Variants in CEP350 observed in about 807,000 individuals in gnomAD.
The protein encoded by CEP350 is centrosome-associated protein 350.
In CEP350, 126 loss-of-function variants were observed where a neutral mutation model predicts 331.8. The observed-to-expected ratio is 0.38, with a 90% CI of 0.33 to 0.44. The LOEUF is 0.44. Among genes scored for constraint, CEP350 ranks in the 20% least tolerant of loss-of-function variants. The probability of loss-of-function intolerance (pLI) is 1.00; values close to 1 mark genes in which losing one functional copy is unlikely to be tolerated. For missense variants in CEP350, 3,406 were observed against 3,634.6 expected (o/e 0.94, Z 1.62); for synonymous variants, 1,200 against 1,259.5 (o/e 0.95, Z 1.00).
rs1654823635 is a variant in CEP350, at chr1:180,014,100, A to G, written c.1647A>G (p.Val549=). 2.5e-6 allele frequency: 4 copies of G among 1,611,320 alleles called. No individual in the cohort carries two copies. The highest frequency in any genetic ancestry group is 3.4e-6 in the Non-Finnish European group (4 of 1,178,594). The part of the protein sequence containing the change: ...STAHTAKQDT[V]ELQNQKSSAP... ...CTCACACTGCAAAGCAAGATACTGT[A>G]GAGTTACAGAACCAGAAGTCATCAG... Residue 549 remains valine (V), a synonymous_variant, in exon 10 of 38, where the codon GTA becomes GTG. Transcript: ENST00000367607.
intron 14 of CEP350, among the ~76,000 whole-genome samples, chr1:180,029,119 AAGT>A (rs1655852205): frequency 6.6e-6 from 1 of 152,156 alleles, no homozygotes; most frequent in Non-Finnish European, 1.5e-5. Context: ...GTGTAGTTGA[AAGT>A]AGTTGGTAGA....
intron 8 of CEP350, among the ~76,000 whole-genome samples, chr1:180,008,851 A>T (rs1654428679): frequency 6.6e-6 from 1 of 152,172 alleles, no homozygotes; most frequent in African/African-American, 2.4e-5. Flanking sequence ...TTGATCAGGC[A>T]TCTGTTTTTC....
Position 180,020,234 on chromosome 1 carries a change from TA to T in CEP350, c.2463del (p.Lys821AsnfsTer8). 1 of 1,613,976 alleles carries T rather than the reference TA, an allele frequency of 6.2e-7. No individual in the cohort carries two copies. The highest frequency in any genetic ancestry group is 8.5e-7 in the Non-Finnish European group (1 of 1,179,898). ...AACCTAGTGCCAGCCAATATAAGAG[TA>T]AACTGGATCGTATTGAAGCCTTGAA... ...LKPSASQYKS[K>X]LDRIEALKAT... On this transcript the variant is annotated frameshift_variant, in exon 12 of 38. Transcript: ENST00000367607. LOFTEE classifies it high-confidence loss of function.
At chr1:180,097,282 A>G (rs1660536775) in intron 36 of CEP350, among the ~76,000 whole-genome samples, 1 of 152,240 alleles carries the variant, frequency 6.6e-6, no homozygotes, top group Admixed American at 6.5e-5. Flanking sequence ...TAGTTGTGAC[A>G]AAGACCACAT....
At chr1:180,085,045 C>A (rs1393710810) in intron 31 of CEP350, among the ~76,000 whole-genome samples, 1 of 147,012 alleles carries the variant, frequency 6.8e-6, no homozygotes, top group Non-Finnish European at 1.5e-5. Context: ...CCTCTTTCCT[C>A]TTCCTTCCCT....
At chr1:180,066,134 A>G (rs1204581518) in intron 27 of CEP350, among the ~76,000 whole-genome samples, 1 of 152,196 alleles carries the variant, frequency 6.6e-6, no homozygotes, top group Non-Finnish European at 1.5e-5. Flanking sequence ...AGCTACTCCA[A>G]CTTAGATATA....
At position 180,031,380 on chromosome 1, in the gene CEP350, G is replaced by T. The variant is rs1336951509; in HGVS notation, c.3611G>T (p.Arg1204Leu). The T allele has an allele frequency of 6.2e-7, 1 of 1,607,848 alleles. No individual in the cohort carries two copies. Among genetic ancestry groups the T allele is most frequent in the African/African-American group, 1.3e-5 (1 of 74,650 alleles). The change falls in exon 15 of 38, where the codon CGT (arginine) becomes CTT (leucine). Residue 1204 changes from arginine to leucine, a missense_variant. Around this residue, in one of 5 missense-constraint regions of CEP350, gnomAD observed 1,857 missense variants for 1,909.2 expected, o/e 0.97. Transcript: ENST00000367607. ...CTTCTTGATGAGGAAAAAGCAGAAC[G>T]TGGCTCCCATCAAGGAAAGAAATCT... ...NSLLDEEKAE[R>L]GSHQGKKSGT...
Position 180,033,883 on chromosome 1 carries a change from A to T in CEP350, c.3747A>T (p.Arg1249Ser), listed in dbSNP as rs1290661448. ...HSVSVSSDKG[R>S]SQKTPTSPLS... ...CTAGTGTCTCATCAGATAAGGGAAG[A>T]TCTCAGAAAACTCCAACTTCTCCCC... Residue 1249 changes from arginine to serine, a missense_variant, in exon 16 of 38, where the codon AGA becomes AGT. Transcript: ENST00000367607. The T allele has an allele frequency of 1.2e-6, 2 of 1,613,880 alleles. No individual in the cohort carries two copies. Among genetic ancestry groups the T allele is most frequent in the Admixed American group, 1.7e-5 (1 of 60,006 alleles).
At chr1:179,994,470 T>C (rs900153409) in intron 5 of CEP350, among the ~76,000 whole-genome samples, 1 of 150,872 alleles carries the variant, frequency 6.6e-6, no homozygotes, top group Non-Finnish European at 1.5e-5. Flanking sequence ...TTTTTTTTTT[T>C]TGAGACAGTG....
Position 180,094,498 on chromosome 1 carries a change from C to A in CEP350, c.8393C>A (p.Pro2798His). The change falls in exon 34 of 38, where the codon CCC becomes CAC. Residue 2798 changes from proline to histidine, a missense_variant. Transcript: ENST00000367607. Reference protein sequence around the residue: ...LLGDDQKKVTPQDLSQNVEEQ... With the variant: ...LLGDDQKKVTHQDLSQNVEEQ... ...GGTGATGACCAAAAGAAAGTAACAC[C>A]CCAAGACCTATCCCAAAATGTTGAG... 1.2e-6 allele frequency: 2 copies of A among 1,613,798 alleles called. No individual in the cohort carries two copies. The highest frequency in any genetic ancestry group is 1.7e-5 in the Admixed American group (1 of 59,994).
At position 180,112,787 on chromosome 1, in the gene CEP350, C is replaced by T. The variant is rs1022489438; in HGVS notation, c.*1626C>T. On this transcript the variant is annotated 3_prime_UTR_variant, in exon 38 of 38. Coordinates refer to ENST00000367607, the MANE Select transcript of CEP350 (RefSeq NM_014810.5). ...GTTCGTTTATTTCTGCATCTTCCCTCCAAACTTGCCTTTGCATCTTAAATA... is the reference window on the plus strand; with the variant it reads ...GTTCGTTTATTTCTGCATCTTCCCTTCAAACTTGCCTTTGCATCTTAAATA... 1 of 152,640 alleles carries T rather than the reference C, an allele frequency of 6.6e-6. No individual in the cohort carries two copies. Among genetic ancestry groups the T allele is most frequent in the Non-Finnish European group, 1.5e-5 (1 of 68,032 alleles). The allele number at this position is 152,640 out of a possible 1,614,324, so 9.5% of individuals were successfully genotyped here.
chr1:180,017,126 CT>C (rs1558102820), intron 11 of CEP350, among the ~76,000 whole-genome samples: 2 of 151,972 alleles, frequency 1.3e-5, no homozygotes, highest in South Asian at 4.1e-4. Flanking sequence ...GTTGTTATTC[CT>C]GTTTTACAGA....
intron 26 of CEP350, among the ~76,000 whole-genome samples, chr1:180,063,500 T>A (rs1658368956): frequency 6.6e-6 from 1 of 151,954 alleles, no homozygotes; most frequent in Non-Finnish European, 1.5e-5. Context: ...GTGGACCTAT[T>A]CTAAGGTACT....
intron 1 of CEP350, among the ~76,000 whole-genome samples, chr1:179,965,238 T>C (rs2148558054): frequency 6.6e-6 from 1 of 152,346 alleles, no homozygotes; most frequent in South Asian, 2.1e-4. Flanking sequence ...TTTCTAATTT[T>C]ATTCTACTGT....
intron 25 of CEP350, 84 bp from the exon 26 acceptor site, chr1:180,062,136 A>G: frequency 8.2e-7 from 1 of 1,223,796 alleles, no homozygotes. Flanking sequence ...TATTTTTAAT[A>G]TATGTGCTGA....
At chr1:180,084,344 T>C (rs1475103236) in intron 31 of CEP350, 166 bp downstream of exon 31, 3 of 519,928 alleles carry the variant, frequency 5.8e-6, no homozygotes, top group Non-Finnish European at 9.6e-6. Context: ...AGGACATTCT[T>C]GCTTAAAACA....
intron 37 of CEP350, among the ~76,000 whole-genome samples, chr1:180,101,999 A>G (rs1274218410): frequency 6.6e-6 from 1 of 152,156 alleles, no homozygotes; most frequent in Non-Finnish European, 1.5e-5. Flanking sequence ...AAGCTTCATG[A>G]CATCAGCATT....
At position 180,093,511 on chromosome 1, in the gene CEP350, A is replaced by G; in HGVS notation, c.7406A>G (p.Glu2469Gly). The stretch of plus-strand genomic sequence containing the variant: ...CCTACTGAGCTGATGAAAAGTAAGG[A>G]GCGCAGTGATGTGGAGCATGAACAG... ...KSPTELMKSK[E>G]RSDVEHEQQV... The change falls in exon 34 of 38, where the codon GAG becomes GGG. Residue 2469 changes from glutamate to glycine, a missense_variant. Coordinates refer to ENST00000367607, the MANE Select transcript of CEP350 (RefSeq NM_014810.5). The G allele has an allele frequency of 1.2e-6, 2 of 1,612,794 alleles. No individual in the cohort carries two copies. The highest frequency in any genetic ancestry group is 1.7e-6 in the Non-Finnish European group (2 of 1,179,192).
intron 18 of CEP350, 145 bp downstream of exon 18, chr1:180,041,393 T>A: frequency 1.4e-6 from 1 of 696,342 alleles, no homozygotes; most frequent in Non-Finnish European, 2.3e-6. Flanking sequence ...TAATGCCATG[T>A]AATTCGATTT....
Sources: allele counts gnomAD v4.1 joint callset (sites outside exome capture counted in the v4.1 genomes callset), GRCh38; gene constraint gnomAD v4.1.1; regional missense constraint gnomAD v4.1.1; transcripts MANE v1.5; gene names NCBI Gene and HGNC (gene_info 2026-07-23, HGNC 2026-07-21).